FANK1: variants seen among roughly 807,000 people sequenced by gnomAD.
FANK1 encodes the protein fibronectin type 3 and ankyrin repeat domains protein 1.
A neutral mutation model predicts 45.3 loss-of-function variants in FANK1; 44 were observed. The ratio of observed to expected loss-of-function variants is 0.97; its 90% CI spans 0.76 to 1.25. FANK1 has a LOEUF of 1.25. Ranked by LOEUF, FANK1 falls within the 50% of genes most tolerant of loss-of-function variation. FANK1 has a pLI of 0.00. For missense variants in FANK1, 391 were observed against 424.4 expected, an observed-to-expected ratio of 0.92 and a Z score of 0.69; for synonymous variants, 149 against 152.5, an observed-to-expected ratio of 0.98 and a Z score of 0.17.
At chr10:125,945,272 TCCGGTCTACAG>T (rs766669598) in intron 1 of FANK1, among the ~76,000 whole-genome samples, 2 of 152,136 alleles carry the variant, frequency 1.3e-5, no homozygotes, top group Non-Finnish European at 2.9e-5. Flanking sequence ...TAGGAACAGC[TCCGGTCTACAG>T]CTCCCAGTGT....
intron 6 of FANK1, among the ~76,000 whole-genome samples, chr10:126,001,007 C>A (rs1467659892): frequency 6.6e-6 from 1 of 152,136 alleles, no homozygotes; most frequent in African/African-American, 2.4e-5. Context: ...AGTGAAATAA[C>A]CTGTACTTTC....
Position 125,918,585 on chromosome 10 carries a change from A to AAAAATAT in FANK1, c.13+21931_13+21932insAAATATA, listed in dbSNP as rs1554913277. On this transcript the variant is annotated intron_variant, in intron 1 of 10. Coordinates refer to ENST00000368693, the MANE Select transcript of FANK1 (RefSeq NM_145235.5). ...AAAAAAAAAAAAAAAAAAAAAAAAA[A>AAAAATAT]ATATATATATATATATATATATAGT... is the stretch of plus-strand genomic sequence containing the variant. 3.8e-4 allele frequency among the ~76,000 whole-genome samples: 27 copies of AAAAATAT among 70,970 alleles called. 1 individual carries two copies. The highest frequency in any genetic ancestry group is 1.6e-3 in the African/African-American group (20 of 12,600). 46.6% of individuals were successfully genotyped at this position (70,970 alleles called of 152,430 possible).
chr10:125,907,415 A>G (rs112669929), intron 1 of FANK1: 31 of 836,136 alleles, frequency 3.7e-5, no homozygotes, highest in African/African-American at 7.3e-5. Context: ...CATGATCTCA[A>G]TGTCCTGGTG....
At chr10:125,949,332 C>T (rs939949748) in intron 1 of FANK1, among the ~76,000 whole-genome samples, 28 of 151,654 alleles carry the variant, frequency 1.8e-4, no homozygotes, top group African/African-American at 6.5e-4. Flanking sequence ...TCAAATTGTC[C>T]CTGTTTGCAG....
chr10:125,957,130 C>T (rs758897282), intron 1 of FANK1, among the ~76,000 whole-genome samples: 3 of 152,126 alleles, frequency 2.0e-5, no homozygotes, highest in Non-Finnish European at 4.4e-5. Context: ...GCTGGGATTA[C>T]AGGCGTGAGC....
intron 1 of FANK1, among the ~76,000 whole-genome samples, chr10:125,976,747 T>C (rs575114959): frequency 1.7e-3 from 259 of 152,184 alleles, no homozygotes; most frequent in Non-Finnish European, 3.2e-3. Context: ...CTCAGCCTCC[T>C]GAGTAGCTGG....
intron 1 of FANK1, among the ~76,000 whole-genome samples, chr10:125,951,621 T>C (rs1202088614): frequency 6.6e-6 from 1 of 152,196 alleles, no homozygotes; most frequent in African/African-American, 2.4e-5. Flanking sequence ...CAACATTTTG[T>C]TGGTGATCAT....
At chr10:125,985,730 G>T (rs1951511797) in intron 2 of FANK1, among the ~76,000 whole-genome samples, 1 of 152,204 alleles carries the variant, frequency 6.6e-6, no homozygotes, top group Non-Finnish European at 1.5e-5. Flanking sequence ...TTTGGCTAGG[G>T]TGTTGATGGC....
intron 1 of FANK1, among the ~76,000 whole-genome samples, chr10:125,935,312 C>G (rs1948026180): frequency 6.6e-6 from 1 of 152,210 alleles, no homozygotes; most frequent in Non-Finnish European, 1.5e-5. Flanking sequence ...TCTGAGCTCA[C>G]TGTTGTATCC....
At chr10:125,963,406 A>G (rs1950037531) in intron 1 of FANK1, among the ~76,000 whole-genome samples, 2 of 152,364 alleles carry the variant, frequency 1.3e-5, no homozygotes, top group South Asian at 4.1e-4. Context: ...GTATCTACCC[A>G]AAGGATTATA....
intron 1 of FANK1, among the ~76,000 whole-genome samples, chr10:125,952,814 C>T (rs879859873): frequency 2.2e-4 from 18 of 81,328 alleles, no homozygotes; most frequent in South Asian, 3.4e-4. Context: ...CACACACACA[C>T]ACACACACAC....
intron 1 of FANK1, among the ~76,000 whole-genome samples, chr10:125,974,159 A>G (rs1003848299): frequency 6.6e-6 from 1 of 152,246 alleles, no homozygotes; most frequent in East Asian, 1.9e-4. Flanking sequence ...CATGCTTTCT[A>G]TAAACATTTG....
At chr10:125,956,202 T>TAG (rs1554930957) in intron 1 of FANK1, among the ~76,000 whole-genome samples, 2 of 72,438 alleles carry the variant, frequency 2.8e-5, no homozygotes, top group Admixed American at 3.4e-4. Context: ...ATACATTTTT[T>TAG]GGGGGGGGGG....
chr10:125,936,227 G>A (rs1948086710), intron 1 of FANK1, among the ~76,000 whole-genome samples: 2 of 151,978 alleles, frequency 1.3e-5, no homozygotes, highest in Non-Finnish European at 2.9e-5. Flanking sequence ...CAATAATCCT[G>A]ATTTCCATCA....
chr10:125,989,084 G>A (rs1311306890), intron 3 of FANK1, among the ~76,000 whole-genome samples: 5 of 152,142 alleles, frequency 3.3e-5, no homozygotes, highest in South Asian at 2.1e-4. Flanking sequence ...CAGGGTGTGC[G>A]TCTTAACTCG....
At chr10:125,944,069 C>A (rs575956887) in intron 1 of FANK1, among the ~76,000 whole-genome samples, 8 of 152,156 alleles carry the variant, frequency 5.3e-5, no homozygotes. Context: ...GACAAAACTG[C>A]GTTTGAATTA....
intron 1 of FANK1, among the ~76,000 whole-genome samples, chr10:125,947,759 T>A (rs1013513275): frequency 5.8e-5 from 8 of 138,270 alleles, no homozygotes; most frequent in Non-Finnish European, 8.0e-5. Context: ...CTGCACCAAG[T>A]GGACCTAATA....
chr10:125,995,339 G>A (rs1244995943), intron 3 of FANK1, 78 bp from the exon 4 acceptor site: 1 of 1,334,640 alleles, frequency 7.5e-7, no homozygotes, highest in Non-Finnish European at 1.1e-6. Context: ...ATCCCCTGAA[G>A]GCCACAGGAG....
chr10:125,937,488 A>AT (rs551338187), intron 1 of FANK1, among the ~76,000 whole-genome samples: 19 of 152,182 alleles, frequency 1.2e-4, no homozygotes, highest in Non-Finnish European at 2.5e-4. Flanking sequence ...AGAATGTCAT[A>AT]TTTGGAAAGA....
Sources: gnomAD v4.1 joint callset for allele counts (sites outside exome capture counted in the v4.1 genomes callset) on GRCh38, gnomAD v4.1.1 for gene constraint, MANE v1.5 for transcripts, NCBI Gene and HGNC (gene_info 2026-07-23, HGNC 2026-07-21) for gene names.